TMEM145: variants seen among roughly 807,000 people sequenced by gnomAD.
TMEM145 encodes the protein transmembrane protein 145.
In TMEM145, 46 loss-of-function variants were observed where a neutral mutation model predicts 68.5. That is an observed-to-expected ratio of 0.67 (90% CI 0.53 to 0.86). TMEM145 has a LOEUF of 0.86. Ranked by LOEUF, TMEM145 falls within the 40% of genes least tolerant of loss-of-function variation. TMEM145 has a pLI of 0.00. For synonymous variants in TMEM145, 255 were observed against 280.2 expected (o/e 0.91, Z 0.90); for missense variants, 570 against 645.8 (o/e 0.88, Z 1.27).
intron 12 of TMEM145, among the ~76,000 whole-genome samples, chr19:42,319,044 C>T (rs1219599711): frequency 2.6e-5 from 4 of 151,806 alleles, no homozygotes; most frequent in Non-Finnish European, 1.5e-5. Flanking sequence ...AGATCGTGCC[C>T]CTGTACTCTA....
chr19:42,324,952 A>T lies in TMEM145; in HGVS notation c.*135A>T. On this transcript the variant is annotated 3_prime_UTR_variant, in exon 15 of 15. Coordinates refer to ENST00000301204, the MANE Select transcript of TMEM145 (RefSeq NM_173633.3). ...CCCTCCCTCGGATCTGTGACCTCGG[A>T]CCCGTACTCCATCTGCCGCATCTCC... is the stretch of plus-strand genomic sequence containing the variant. The T allele has an allele frequency of 3.1e-6, 4 of 1,271,120 alleles. No individual in the cohort carries two copies. In the South Asian group the frequency reaches 1.0e-4, roughly 32 times the overall value. 78.7% of individuals were successfully genotyped at this position (1,271,120 alleles called of 1,614,324 possible).
At chr19:42,314,767 C>T (rs763149652) in intron 4 of TMEM145, 25 bp from the exon 5 acceptor site, 6 of 1,614,030 alleles carry the variant, frequency 3.7e-6, no homozygotes, top group Non-Finnish European at 4.2e-6. Context: ...CAAGGACAGG[C>T]TTCAGCCTTC....
At chr19:42,314,113 A>C (rs1236862816) in intron 1 of TMEM145, among the ~76,000 whole-genome samples, 159 bp from the exon 2 acceptor site, 3 of 151,964 alleles carry the variant, frequency 2.0e-5, no homozygotes, top group Admixed American at 6.6e-5. Flanking sequence ...TCCTGGACCC[A>C]CAGTGACGGG....
chr19:42,323,350 C>T (rs2038929021), intron 13 of TMEM145, among the ~76,000 whole-genome samples: 1 of 152,190 alleles, frequency 6.6e-6, no homozygotes, highest in South Asian at 2.1e-4. Context: ...CAATCAGTGA[C>T]AGCTCAGTGA....
chr19:42,314,915 C>T, intron 5 of TMEM145, 64 bp downstream of exon 5: 1 of 1,613,954 alleles, frequency 6.2e-7, no homozygotes, highest in Non-Finnish European at 8.5e-7. Flanking sequence ...GGGTGGCCAC[C>T]TGGACCACCT....
At chr19:42,316,801 G>C in intron 10 of TMEM145, 61 bp downstream of exon 10, 3 of 1,608,520 alleles carry the variant, frequency 1.9e-6, no homozygotes, top group Non-Finnish European at 1.7e-6. Flanking sequence ...GGGCAGGGTT[G>C]GGGGGCTGGG....
At chr19:42,323,904 G>T (rs1160133105) in intron 14 of TMEM145, 115 bp downstream of exon 14, 3 of 922,478 alleles carry the variant, frequency 3.3e-6, no homozygotes, top group Non-Finnish European at 4.8e-6. Flanking sequence ...CCCTCCTCCT[G>T]CCTTTCGCAC....
intron 1 of TMEM145, 85 bp from the exon 2 acceptor site, chr19:42,314,187 G>C (rs886889346): frequency 7.0e-5 from 102 of 1,463,290 alleles, no homozygotes; most frequent in Middle Eastern, 1.8e-4. Flanking sequence ...AGGTACCTGG[G>C]GGGTAGGGAA....
intron 11 of TMEM145, 75 bp from the exon 12 acceptor site, chr19:42,317,634 C>T (rs981857492): frequency 1.3e-6 from 2 of 1,497,558 alleles, no homozygotes; most frequent in African/African-American, 2.8e-5. Flanking sequence ...TTCCCAAGTG[C>T]CCAGGGGTGG....
At chr19:42,321,385 GGT>G (rs2038910428) in intron 13 of TMEM145, 4 of 292,468 alleles carry the variant, frequency 1.4e-5, no homozygotes, top group Admixed American at 5.3e-5. Flanking sequence ...CCGGTTAAGT[GGT>G]TTTTTTTTTT....
At chr19:42,316,788 C>G in intron 10 of TMEM145, 48 bp downstream of exon 10, 1 of 1,590,094 alleles carries the variant, frequency 6.3e-7, no homozygotes, top group South Asian at 1.1e-5. Flanking sequence ...GGGAGCAGGG[C>G]AGGGGCAGGG....
intron 8 of TMEM145, among the ~76,000 whole-genome samples, chr19:42,315,760 G>A (rs977923034): frequency 2.0e-5 from 3 of 151,828 alleles, no homozygotes; most frequent in Non-Finnish European, 4.4e-5. Context: ...GGCTGGACAC[G>A]GTGGCTCACA....
At position 42,316,902 on chromosome 19, in the gene TMEM145, T is replaced by C. The variant is rs780656464; in HGVS notation, c.839T>C (p.Leu280Ser). 1 of 1,613,838 alleles carries C rather than the reference T, an allele frequency of 6.2e-7. No individual in the cohort carries two copies. Among genetic ancestry groups the C allele is most frequent in the Non-Finnish European group, 8.5e-7 (1 of 1,179,962 alleles). ...ATCAGCCACGCGGGCTCCGTGAAGT[T>C]GTCTGTCTACATGACCCTGTACACG... The part of the protein sequence containing the change: ...GRISHAGSVK[L>S]SVYMTLYTLT... The change falls in exon 11 of 15, where the codon TTG (leucine) becomes TCG (serine). Residue 280 changes from leucine to serine, a missense_variant. Coordinates refer to ENST00000301204, the MANE Select transcript of TMEM145 (RefSeq NM_173633.3).
At chr19:42,317,342 TGGA>T (rs936343092) in intron 11 of TMEM145, among the ~76,000 whole-genome samples, 11 of 152,210 alleles carry the variant, frequency 7.2e-5, no homozygotes, top group African/African-American at 2.2e-4. Context: ...ACCTACCCCA[TGGA>T]GCCCCTCTAA....
Position 42,316,727 on chromosome 19 carries a change from T to G in TMEM145, c.793T>G (p.Phe265Val). The change falls in exon 10 of 15, where the codon TTC becomes GTC. Residue 265 changes from phenylalanine (F) to valine (V), a missense_variant. Transcript: ENST00000301204. The part of the protein sequence containing the change: ...LLMLILLGKG[F>V]TVTRGRISHA... ...GATGCTTATCCTCCTGGGGAAGGGA[T>G]TCACGGTGACACGGTGCCCGGGCAG... The G allele has an allele frequency of 6.2e-7, 1 of 1,613,578 alleles. No individual in the cohort carries two copies. The highest frequency in any genetic ancestry group is 2.2e-5 in the East Asian group (1 of 44,844).
At chr19:42,324,712 C>T (rs775448818) in intron 14 of TMEM145, 25 bp from the exon 15 acceptor site, 165 of 1,215,248 alleles carry the variant, frequency 1.4e-4, no homozygotes, top group Non-Finnish European at 1.7e-4. Flanking sequence ...CCCGCGGGAG[C>T]CGCTCTCCCC....
intron 13 of TMEM145, chr19:42,321,275 A>T: frequency 2.7e-6 from 1 of 376,390 alleles, no homozygotes; most frequent in Admixed American, 4.7e-5. Context: ...ACTAGGCTGG[A>T]GTGCAGTGGC....
intron 11 of TMEM145, 33 bp downstream of exon 11, chr19:42,316,996 C>T (rs753018041): frequency 2.5e-6 from 4 of 1,592,496 alleles, no homozygotes; most frequent in Admixed American, 3.4e-5. Flanking sequence ...CGGGCCCTGC[C>T]TTCCCCTGCT....
intron 13 of TMEM145, among the ~76,000 whole-genome samples, 167 bp downstream of exon 13, chr19:42,320,604 A>G (rs1286056540): frequency 6.7e-6 from 1 of 150,070 alleles, no homozygotes; most frequent in African/African-American, 2.4e-5. Context: ...AGTCTCCTCT[A>G]TTGTGCTCCT....
Sources: allele counts gnomAD v4.1 joint callset (sites outside exome capture counted in the v4.1 genomes callset), GRCh38; gene constraint gnomAD v4.1.1; transcripts MANE v1.5; gene names NCBI Gene and HGNC (gene_info 2026-07-23, HGNC 2026-07-21).